The following TMEM127 variants were observed in gnomAD, a reference collection of about 807,000 sequenced individuals.
The protein encoded by TMEM127 is transmembrane protein 127.
A neutral mutation model predicts 20.1 loss-of-function variants in TMEM127; 21 were observed. That is an observed-to-expected ratio of 1.04 (90% CI 0.74 to 1.50). The LOEUF is 1.50. Among genes scored for constraint, TMEM127 ranks in the 40% most tolerant of loss-of-function variants. The probability of loss-of-function intolerance (pLI) is 0.00; values close to 1 mark genes in which losing one functional copy is unlikely to be tolerated. For synonymous variants in TMEM127, 150 were observed against 144.7 expected (o/e 1.04, Z -0.26); for missense variants, 303 against 317.4 (o/e 0.95, Z 0.34).
intron 2 of TMEM127, among the ~76,000 whole-genome samples, chr2:96,264,009 G>A (rs1054098576): frequency 6.6e-6 from 1 of 152,162 alleles, no homozygotes; most frequent in Non-Finnish European, 1.5e-5. Context: ...GTACCATTAA[G>A]GTGAAATCTG....
Position 96,253,424 on chromosome 2 carries a change from TC to T in TMEM127, c.*383del. 1 of 304,684 alleles carries T rather than the reference TC, an allele frequency of 3.3e-6. No individual in the cohort carries two copies. The highest frequency in any genetic ancestry group is 6.8e-5 in the South Asian group (1 of 14,610). 18.9% of individuals were successfully genotyped at this position (304,684 alleles called of 1,614,324 possible). A position where few individuals can be genotyped will look rare whatever the true frequency, so the allele number is the denominator to read the frequency against. Reference sequence around the variant, plus strand: ...TGTGAAGTGAGCCTCCAGGGCACAGTCCCCTTTCCCTTGGGCCCTTTGACAC... The same window carrying T: ...TGTGAAGTGAGCCTCCAGGGCACAGTCCCTTTCCCTTGGGCCCTTTGACAC... On this transcript the variant is annotated 3_prime_UTR_variant, in exon 4 of 4. Transcript: ENST00000258439. This position sits in a 1 kb window ranked among gnomAD's most constrained non-coding sequence, Gnocchi z 4.3.
intron 2 of TMEM127, among the ~76,000 whole-genome samples, chr2:96,263,573 A>G (rs6739156): frequency 6.6e-6 from 1 of 152,140 alleles, no homozygotes; most frequent in South Asian, 2.1e-4. Context: ...AAGGATGCAC[A>G]CCAAAGTGAA....
chr2:96,265,677 G>T (rs1051671094), intron 1 of TMEM127, among the ~76,000 whole-genome samples, 165 bp from the exon 2 acceptor site: 3 of 152,204 alleles, frequency 2.0e-5, no homozygotes, highest in African/African-American at 4.8e-5. Context: ...AGACTCGAGT[G>T]GGGGGCGGAG....
intron 2 of TMEM127, among the ~76,000 whole-genome samples, chr2:96,262,250 G>A (rs959198145): frequency 7.0e-6 from 1 of 143,384 alleles, no homozygotes; most frequent in Non-Finnish European, 1.5e-5. Flanking sequence ...CAGAGCAAGA[G>A]TCTGTCTCAT....
Position 96,265,340 on chromosome 2 carries a change from C to T in TMEM127, c.42G>A (p.Arg14=). The T allele has an allele frequency of 6.6e-7, 1 of 1,508,122 alleles. No homozygotes were observed. The highest frequency in any genetic ancestry group is 8.8e-7 in the Non-Finnish European group (1 of 1,133,172). The allele number at this position is 1,508,122 out of a possible 1,614,324, so 93.4% of individuals were successfully genotyped here. A position where few individuals can be genotyped will look rare whatever the true frequency, so the allele number is the denominator to read the frequency against. The change falls in exon 2 of 4, where the codon CGG becomes CGA. Residue 14 remains arginine (R), a synonymous_variant. Transcript: ENST00000258439. ...GAGCGCTGCCTCCCGGGCTCCTCCG[C>T]CGGCGCCCGCCGGGCAGCCCTGCGC... The part of the protein sequence containing the change: ...PGGAGLPGGR[R]RRSPGGSALP...
rs1573969192 is a variant in TMEM127, at chr2:96,253,973, A to C, written c.552T>G (p.Gly184=). The change falls in exon 4 of 4, where the codon GGT becomes GGG. Residue 184 remains glycine (G), a synonymous_variant. Transcript: ENST00000258439. This position sits in a 1 kb window ranked among gnomAD's most constrained non-coding sequence, Gnocchi z 4.3. ...CTGCCGTGGCCAGGATTGAGGCTCC[A>C]CCAGCTCCTGCCACCAGGTAGAAGC... ...AVSFYLVAGA[G]GASILATAAN... 1 of 1,614,104 alleles carries C rather than the reference A, an allele frequency of 6.2e-7. No homozygotes were observed.
rs118172849 is a variant in TMEM127 at position 96,252,303 on chromosome 2, T to C, written c.*1505A>G. Reference sequence around the variant, plus strand: ...TCAAACTATCTATCACCTTAAAGGTTGGAAGAGATTGGAATCCATTTCCTT... The same window carrying C: ...TCAAACTATCTATCACCTTAAAGGTCGGAAGAGATTGGAATCCATTTCCTT... On this transcript the variant is annotated 3_prime_UTR_variant, in exon 4 of 4. Transcript: ENST00000258439. The surrounding 1 kb of genome is among the most constrained non-coding windows in gnomAD (Gnocchi z 4.2). 147 of 233,332 alleles carry C rather than the reference T, an allele frequency of 6.3e-4. 1 individual carries two copies. The East Asian group carries it at 8.9e-3, about 14-fold the overall frequency. 14.5% of individuals were successfully genotyped at this position (233,332 alleles called of 1,614,324 possible). A position where few individuals can be genotyped will look rare whatever the true frequency, so the allele number is the denominator to read the frequency against.
intron 2 of TMEM127, among the ~76,000 whole-genome samples, chr2:96,263,330 A>T (rs931298748): frequency 6.7e-6 from 1 of 149,464 alleles, no homozygotes; most frequent in Admixed American, 6.7e-5. Context: ...AAGTGCTGGG[A>T]TCAGAAGTGT....
In TMEM127 at chr2:96,250,721, C is replaced by T. The variant is rs946746129; in HGVS notation, c.*3087G>A. The T allele has an allele frequency of 2.6e-5, 6 of 232,972 alleles. No individual in the cohort carries two copies. Among genetic ancestry groups the T allele is most frequent in the East Asian group, 1.2e-4 (2 of 16,550 alleles). 14.4% of individuals were successfully genotyped at this position (232,972 alleles called of 1,614,324 possible). A position where few individuals can be genotyped will look rare whatever the true frequency, so the allele number is the denominator to read the frequency against. On this transcript the variant is annotated 3_prime_UTR_variant, in exon 4 of 4. Coordinates refer to ENST00000258439, the MANE Select transcript of TMEM127 (RefSeq NM_017849.4). ...ATCAAATGTATGAAGGAAGAAGGAA[C>T]GGAGAGAACGTGGGCAATCAAGGCC...
At position 96,250,264 on chromosome 2, in the gene TMEM127, G is replaced by C. The variant is rs776931694; in HGVS notation, c.*3544C>G. On this transcript the variant is annotated 3_prime_UTR_variant, in exon 4 of 4. Transcript: ENST00000258439. Reference sequence around the variant, plus strand: ...GGCTCTTACCACCTCCTGGCCACCAGTGTGCTTTTGCTCTTGCCATTCTCT... The same window carrying C: ...GGCTCTTACCACCTCCTGGCCACCACTGTGCTTTTGCTCTTGCCATTCTCT... 1 of 232,944 alleles carries C rather than the reference G, an allele frequency of 4.3e-6. No homozygotes were observed. Among genetic ancestry groups the C allele is most frequent in the South Asian group, 1.8e-4 (1 of 5,526 alleles). 14.4% of individuals were successfully genotyped at this position (232,944 alleles called of 1,614,324 possible). A position where few individuals can be genotyped will look rare whatever the true frequency, so the allele number is the denominator to read the frequency against.
At position 96,254,889 on chromosome 2, in the gene TMEM127, G is replaced by T. The variant is rs769359648; in HGVS notation, c.353C>A (p.Pro118Gln). Residue 118 changes from proline (P) to glutamine (Q), a missense_variant, in exon 3 of 4, where the codon CCG becomes CAG. Coordinates refer to ENST00000258439, the MANE Select transcript of TMEM127 (RefSeq NM_017849.4). The stretch of plus-strand genomic sequence containing the variant: ...AGTGATCTTCAGAGCAGGATGCTTC[G>T]GCCCAAAGACATCCAGAAGGAAAGC... ...LSAFLLDVFG[P>Q]KHPALKITRR... 1 of 1,613,960 alleles carries T rather than the reference G, an allele frequency of 6.2e-7. No homozygotes were observed. The highest frequency in any genetic ancestry group is 1.3e-5 in the African/African-American group (1 of 74,916).
chr2:96,256,291 G>A (rs1275204252), intron 2 of TMEM127, among the ~76,000 whole-genome samples: 2 of 150,018 alleles, frequency 1.3e-5, no homozygotes, highest in African/African-American at 2.5e-5. Context: ...AAAAAATGTT[G>A]GCAGGGCACG....
rs771261665 is a variant in TMEM127, at chr2:96,254,989, T to C, written c.253A>G (p.Met85Val). ...VHPDLLKDFC[M>V]NPQTVLLLRV... ...AGGAGCAGCACTGTCTGGGGATTCA[T>C]GCAGAAATCTGTAGAGGGAGAACCA... Residue 85 changes from methionine (M) to valine (V), a missense_variant, in exon 3 of 4, where the codon ATG becomes GTG. By Grantham distance (21) the Met-to-Val change is conservative. Transcript: ENST00000258439. 3.2e-5 allele frequency: 52 copies of C among 1,614,048 alleles called. No individual in the cohort carries two copies. Among genetic ancestry groups the C allele is most frequent in the Middle Eastern group, 1.6e-4 (1 of 6,078 alleles).
At chr2:96,256,558 A>T (rs1433587266) in intron 2 of TMEM127, among the ~76,000 whole-genome samples, 1 of 149,250 alleles carries the variant, frequency 6.7e-6, no homozygotes, top group Non-Finnish European at 1.5e-5. Flanking sequence ...GCAACAAGAG[A>T]GAAACTCTGT....
In TMEM127 at chr2:96,254,976, G is replaced by A. The variant is rs876658430; in HGVS notation, c.266C>T (p.Thr89Ile). The A allele has an allele frequency of 6.2e-7, 1 of 1,614,236 alleles. No homozygotes were observed. The change falls in exon 3 of 4, where the codon ACA becomes ATA. Residue 89 changes from threonine (T) to isoleucine (I), a missense_variant. Physicochemically the swap from Thr to Ile is moderately conservative, Grantham distance 89. Transcript: ENST00000258439. ...LLKDFCMNPQ[T>I]VLLLRVIAAF... ...GGCGATGACCCGCAGGAGCAGCACTGTCTGGGGATTCATGCAGAAATCTGT... is the reference window on the plus strand; with the variant it reads ...GGCGATGACCCGCAGGAGCAGCACTATCTGGGGATTCATGCAGAAATCTGT...
At chr2:96,263,360 CTTTT>C (rs1157265984) in intron 2 of TMEM127, among the ~76,000 whole-genome samples, 5 of 109,396 alleles carry the variant, frequency 4.6e-5, no homozygotes, top group Non-Finnish European at 3.9e-5. Flanking sequence ...CCTGGCCTTT[CTTTT>C]TTTTTTTTTT....
rs1455781775 is a variant in TMEM127 at position 96,253,488 on chromosome 2, G to A, written c.*320C>T. On this transcript the variant is annotated 3_prime_UTR_variant, in exon 4 of 4. Transcript: ENST00000258439. This position sits in a 1 kb window ranked among gnomAD's most constrained non-coding sequence, Gnocchi z 4.3. The stretch of plus-strand genomic sequence containing the variant: ...CTGTCCGCTCTCAGCAGCTCTCCAA[G>A]GAAAGTCTCGGTCCCAAAGATATCG... 2 of 402,476 alleles carry A rather than the reference G, an allele frequency of 5.0e-6. No individual in the cohort carries two copies. Among genetic ancestry groups the A allele is most frequent in the Admixed American group, 8.2e-5 (2 of 24,286 alleles). The allele number at this position is 402,476 out of a possible 1,614,324, so 24.9% of individuals were successfully genotyped here.
intron 2 of TMEM127, among the ~76,000 whole-genome samples, chr2:96,257,897 A>G (rs745817872): frequency 9.3e-5 from 14 of 150,464 alleles, no homozygotes; most frequent in Non-Finnish European, 1.0e-4. Context: ...CCTTGGTGAC[A>G]GAGTGACTCC....
chr2:96,264,732 A>G (rs1179655008), intron 2 of TMEM127, among the ~76,000 whole-genome samples: 3 of 152,208 alleles, frequency 2.0e-5, no homozygotes, highest in African/African-American at 7.2e-5. Context: ...ATAGAACTCT[A>G]AGATATCTTT....
Sources: gnomAD v4.1 joint callset for allele counts (sites outside exome capture counted in the v4.1 genomes callset) on GRCh38, gnomAD v4.1.1 for gene constraint, Gnocchi (gnomAD v3.1) non-coding constraint, MANE v1.5 for transcripts, NCBI Gene and HGNC (gene_info 2026-07-23, HGNC 2026-07-21) for gene names.